The following TDRD1 variants were observed in gnomAD, a reference collection of about 807,000 sequenced individuals.
TDRD1 encodes the protein tudor domain-containing protein 1.
In TDRD1, 37 loss-of-function variants were observed where a neutral mutation model predicts 140.6. The ratio of observed to expected loss-of-function variants is 0.26; its 90% CI spans 0.20 to 0.35. The LOEUF (loss-of-function observed/expected upper bound fraction) is 0.35, where lower values mean the gene tolerates loss of function less well. Among genes scored for constraint, TDRD1 ranks in the 10% least tolerant of loss-of-function variants. The probability of loss-of-function intolerance (pLI) is 1.00; values close to 1 mark genes in which losing one functional copy is unlikely to be tolerated. For synonymous variants in TDRD1, 506 were observed against 475.7 expected, an observed-to-expected ratio of 1.06 and a Z score of -0.83; for missense variants, 1,243 against 1,393.0, an observed-to-expected ratio of 0.89 and a Z score of 1.71.
intron 15 of TDRD1, 104 bp downstream of exon 15, chr10:114,213,692 C>G: frequency 9.5e-7 from 1 of 1,057,400 alleles, no homozygotes; most frequent in South Asian, 1.7e-5. Flanking sequence ...GAATGCCTTT[C>G]ATCTTTTTAA....
At chr10:114,213,461 G>A in exon 15 of TDRD1, 1 of 1,614,046 alleles carries the variant, frequency 6.2e-7, no homozygotes, top group Non-Finnish European at 8.5e-7. Context: ...ACAGTTCCCT[G>A]GTGGAGCTTA....
intron 1 of TDRD1, among the ~76,000 whole-genome samples, chr10:114,185,539 T>C (rs1589654463): frequency 6.6e-6 from 1 of 152,138 alleles, no homozygotes; most frequent in East Asian, 1.9e-4. Context: ...CAATAGTTTC[T>C]ACCTTGAGTT....
At chr10:114,224,663 A>G (rs1279330485) in intron 21 of TDRD1, among the ~76,000 whole-genome samples, 1 of 151,842 alleles carries the variant, frequency 6.6e-6, no homozygotes. Context: ...CACATTTTTA[A>G]TTTCAATAGC....
chr10:114,213,948 G>T (rs765775835), intron 15 of TDRD1, 29 bp from the exon 16 acceptor site: 1 of 1,612,856 alleles, frequency 6.2e-7, no homozygotes, highest in Non-Finnish European at 8.5e-7. Context: ...CCTCCACTAT[G>T]TCCATTTAAT....
intron 11 of TDRD1, 119 bp downstream of exon 11, chr10:114,206,449 G>C: frequency 1.5e-6 from 1 of 672,956 alleles, no homozygotes; most frequent in South Asian, 2.1e-5. Flanking sequence ...CATCCTATGA[G>C]CAATTTAAAT....
chr10:114,228,882 G>A (rs1005575037), intron 25 of TDRD1: 54 of 623,776 alleles, frequency 8.7e-5, no homozygotes, highest in Admixed American at 1.3e-4. Flanking sequence ...CCAGGCGTTC[G>A]AAGTCAGCCT....
chr10:114,230,166 C>G (rs1488452208), intron 25 of TDRD1, among the ~76,000 whole-genome samples: 2 of 152,080 alleles, frequency 1.3e-5, no homozygotes, highest in Non-Finnish European at 2.9e-5. Flanking sequence ...GTTGGTTGGC[C>G]TGTATGTTCT....
chr10:114,222,595 G>A (rs1409485508), exon 21 of TDRD1: 1 of 1,603,718 alleles, frequency 6.2e-7, no homozygotes, highest in Non-Finnish European at 8.5e-7. Context: ...AGAAAATCAG[G>A]AAAAGCTGTG....
intron 4 of TDRD1, 28 bp from the exon 5 acceptor site, chr10:114,201,382 G>T: frequency 1.3e-6 from 2 of 1,571,022 alleles, no homozygotes; most frequent in South Asian, 2.2e-5. Context: ...ATCTTCATCT[G>T]AACTATTTTG....
intron 21 of TDRD1, among the ~76,000 whole-genome samples, chr10:114,225,326 A>G (rs879543728): frequency 1.3e-5 from 2 of 152,130 alleles, no homozygotes; most frequent in African/African-American, 2.4e-5. Context: ...TCCTTGGCCA[A>G]TCTTCATTTC....
chr10:114,206,908 G>A (rs925746618), intron 11 of TDRD1, among the ~76,000 whole-genome samples: 23 of 152,080 alleles, frequency 1.5e-4, no homozygotes, highest in African/African-American at 2.9e-4. Context: ...GAGCCACTAC[G>A]CCCTGCCAAG....
At chr10:114,218,919 G>T (rs563253091) in intron 18 of TDRD1, among the ~76,000 whole-genome samples, 94 of 152,196 alleles carry the variant, frequency 6.2e-4, no homozygotes, top group South Asian at 3.9e-3. Flanking sequence ...CACAGAATAG[G>T]TTACAAAAAT....
intron 21 of TDRD1, 93 bp from the exon 22 acceptor site, chr10:114,225,956 T>G (rs2036412770): frequency 1.8e-6 from 2 of 1,091,196 alleles, no homozygotes; most frequent in African/African-American, 3.1e-5. Flanking sequence ...GCATGGATTT[T>G]TAAGTGATGT....
In TDRD1 at chr10:114,228,072, TAAAC is replaced by T; in HGVS notation, c.3488_3491del (p.Asn1163IlefsTer11). ...CATGAACATATTCTTCTCTTCCTCT[TAAAC>T]AATTCAACCAATCAAAATAAATTTA... is the stretch of plus-strand genomic sequence containing the variant. On this transcript the variant is annotated frameshift_variant, in exon 25 of 26. Coordinates refer to ENST00000251864, the Ensembl canonical transcript of TDRD1. LOFTEE classifies it high-confidence loss of function. The T allele has an allele frequency of 1.2e-6, 2 of 1,608,372 alleles. No individual in the cohort carries two copies. Among genetic ancestry groups the T allele is most frequent in the Non-Finnish European group, 1.7e-6 (2 of 1,177,344 alleles).
intron 3 of TDRD1, among the ~76,000 whole-genome samples, chr10:114,193,199 G>GT (rs1003231947): frequency 3.4e-5 from 5 of 148,564 alleles, no homozygotes; most frequent in African/African-American, 5.0e-5. Context: ...TGTAAATACT[G>GT]TTGTATTTCT....
chr10:114,202,319 A>G (rs2034803781), intron 6 of TDRD1, 21 bp downstream of exon 6: 1 of 1,502,724 alleles, frequency 6.7e-7, no homozygotes, highest in South Asian at 1.3e-5. Flanking sequence ...CTTTGTCTTT[A>G]AATTTTGAAT....
intron 18 of TDRD1, 66 bp downstream of exon 18, chr10:114,218,650 T>C: frequency 3.6e-6 from 4 of 1,112,328 alleles, no homozygotes; most frequent in Non-Finnish European, 3.8e-6. Flanking sequence ...CAAGTGTTAA[T>C]ATCTACAATG....
intron 18 of TDRD1, 71 bp from the exon 19 acceptor site, chr10:114,220,497 T>A: frequency 1.9e-6 from 2 of 1,079,106 alleles, no homozygotes; most frequent in Non-Finnish European, 2.8e-6. Flanking sequence ...AAAGACCTGG[T>A]GCTGGGTACT....
chr10:114,195,739 G>A (rs2034298501), intron 3 of TDRD1, among the ~76,000 whole-genome samples: 1 of 151,942 alleles, frequency 6.6e-6, no homozygotes, highest in South Asian at 2.1e-4. Flanking sequence ...AATTCACTAG[G>A]GCAGTGTCTT....
Sources: gnomAD v4.1 joint callset for allele counts (sites outside exome capture counted in the v4.1 genomes callset) on GRCh38, gnomAD v4.1.1 for gene constraint, MANE v1.5 for transcripts, NCBI Gene and HGNC (gene_info 2026-07-23, HGNC 2026-07-21) for gene names.